The following EPSTI1 variants were observed in gnomAD, a reference collection of about 807,000 sequenced individuals.
EPSTI1 encodes the protein epithelial-stromal interaction protein 1.
Under a neutral mutation model 49.9 loss-of-function variants are expected in EPSTI1, and 66 were observed. The observed-to-expected ratio is 1.32, with a 90% CI of 1.08 to 1.62. The LOEUF (loss-of-function observed/expected upper bound fraction) is 1.62, where lower values mean the gene tolerates loss of function less well. Ranked by LOEUF, EPSTI1 falls within the 40% of genes most tolerant of loss-of-function variation. The pLI is 0.00. For missense variants in EPSTI1, 394 were observed against 365.5 expected, an observed-to-expected ratio of 1.08 and a Z score of -0.64; for synonymous variants, 137 against 130.7, an observed-to-expected ratio of 1.05 and a Z score of -0.33.
Position 42,886,612 on chromosome 13 carries a change from C to T in EPSTI1, c.*1882G>A, listed in dbSNP as rs1315238977. 2 of 152,016 alleles carry T rather than the reference C, an allele frequency of 1.3e-5. No individual in the cohort carries two copies. Among genetic ancestry groups the T allele is most frequent in the African/African-American group, 2.4e-5 (1 of 41,388 alleles). The allele number at this position is 152,016 out of a possible 1,614,324, so 9.4% of individuals were successfully genotyped here. ...TCAGGTTTTATTCCAATTGATTCAA[C>T]GTGGCAGATTAAATGTGAAAAGTAA... On this transcript the variant is annotated 3_prime_UTR_variant, in exon 11 of 11. Coordinates refer to ENST00000313624, the MANE Select transcript of EPSTI1 (RefSeq NM_033255.5).
intron 6 of EPSTI1, among the ~76,000 whole-genome samples, chr13:42,935,585 C>CT (rs1347243550): frequency 6.6e-6 from 1 of 151,868 alleles, no homozygotes. Flanking sequence ...CTCATAAATT[C>CT]TTTTTTTTAT....
At position 42,974,602 on chromosome 13, in the gene EPSTI1, TGAGCC is replaced by T. The variant is rs2039842994; in HGVS notation, c.189-3937_189-3933del. On this transcript the variant is annotated intron_variant, in intron 1 of 10. Transcript: ENST00000313624. ...TGAACCAGGGAGGCGGAGCTTGCAG[TGAGCC>T]GAGATTGCGCCACTGCACTCCCGCC... Among the ~76,000 whole-genome samples the T allele has an allele frequency of 6.0e-5, 9 of 148,912 alleles. No homozygotes were observed. In the Admixed American group the frequency reaches 6.1e-4, roughly 10 times the overall value.
intron 2 of EPSTI1, chr13:42,969,476 A>G (rs2039712418): frequency 1.2e-5 from 4 of 331,696 alleles, no homozygotes; most frequent in East Asian, 6.2e-5. Flanking sequence ...TTAAAACTCT[A>G]TATCAAGTTA....
At position 42,964,116 on chromosome 13, in the gene EPSTI1, C is replaced by T. The variant is rs779525484; in HGVS notation, c.355G>A (p.Val119Ile). Residue 119 changes from valine (V) to isoleucine (I), a missense_variant, in exon 4 of 11, where the codon GTC becomes ATC. Val to Ile is a conservative substitution (Grantham distance 29). Transcript: ENST00000313624. ...RLGGSQSETE[V>I]RQKQQLQLMQ... ...AGCTGGAGTTGTTGTTTCTGTCTGA[C>T]TTCAGTTTCTGACTGGCTTCCACCT... The T allele has an allele frequency of 6.2e-7, 1 of 1,613,412 alleles. No individual in the cohort carries two copies. Among genetic ancestry groups the T allele is most frequent in the South Asian group, 1.1e-5 (1 of 91,006 alleles).
intron 9 of EPSTI1, among the ~76,000 whole-genome samples, chr13:42,899,197 C>CAA (rs34907903): frequency 1.1e-3 from 138 of 122,206 alleles, no homozygotes; most frequent in Middle Eastern, 4.8e-3. Context: ...GACTCTGTCT[C>CAA]AAAAAAAAAA....
rs776906452 is a variant in EPSTI1 at position 42,888,451 on chromosome 13, T to G, written c.*43A>C. ...TAAGAAAAAGCATCTCATGAGGCTTTTCGAGGTCAGTTGATGAAGGCCAGA... is the reference window on the plus strand; with the variant it reads ...TAAGAAAAAGCATCTCATGAGGCTTGTCGAGGTCAGTTGATGAAGGCCAGA... On this transcript the variant is annotated 3_prime_UTR_variant, in exon 11 of 11. Transcript: ENST00000313624. 13 of 1,613,894 alleles carry G rather than the reference T, an allele frequency of 8.1e-6. No individual in the cohort carries two copies. The highest frequency in any genetic ancestry group is 1.1e-5 in the Non-Finnish European group (13 of 1,179,960).
At chr13:42,966,777 G>A (rs2039633112) in intron 3 of EPSTI1, among the ~76,000 whole-genome samples, 1 of 89,670 alleles carries the variant, frequency 1.1e-5, no homozygotes, top group Non-Finnish European at 2.5e-5. Context: ...TCTGGGAGGT[G>A]TGCCCAACAG....
At chr13:42,990,794 C>T (rs2040180317) in intron 1 of EPSTI1, among the ~76,000 whole-genome samples, 1 of 152,122 alleles carries the variant, frequency 6.6e-6, no homozygotes, top group African/African-American at 2.4e-5. Context: ...TGTTTCTTAG[C>T]AACCAGGGTT....
At chr13:42,891,697 TG>T (rs1416092396) in intron 10 of EPSTI1, among the ~76,000 whole-genome samples, 2 of 152,216 alleles carry the variant, frequency 1.3e-5, no homozygotes, top group Non-Finnish European at 2.9e-5. Flanking sequence ...GTCTTTCTAT[TG>T]TGTTTGTGAT....
Position 42,917,639 on chromosome 13 carries a change from A to ATT in EPSTI1, c.658-16_658-15insAA. 17 of 1,133,156 alleles carry ATT rather than the reference A, an allele frequency of 1.5e-5. No individual in the cohort carries two copies. Among genetic ancestry groups the ATT allele is most frequent in the East Asian group, 2.7e-5 (1 of 37,268 alleles). 70.2% of individuals were successfully genotyped at this position (1,133,156 alleles called of 1,614,324 possible). Reference sequence around the variant, plus strand: ...CAGCTTCTGGCCTGTAAAGGTACAAAGAGAAAAAAAAAAAAAAAAACAACT... The same window carrying ATT: ...CAGCTTCTGGCCTGTAAAGGTACAAATTGAGAAAAAAAAAAAAAAAAACAACT... On this transcript the variant is annotated splice_polypyrimidine_tract_variant and intron_variant, in intron 7 of 10. Transcript: ENST00000313624.
At position 42,888,365 on chromosome 13, in the gene EPSTI1, C is replaced by G. The variant is rs763326690; in HGVS notation, c.*129G>C. On this transcript the variant is annotated 3_prime_UTR_variant, in exon 11 of 11. Transcript: ENST00000313624. ...GAGAAGCCAGTCACTCCTGACTGCA[C>G]GGTCAAGTGTGTGGGCAGTTGAAAT... The G allele has an allele frequency of 6.2e-7, 1 of 1,613,960 alleles. No homozygotes were observed. The highest frequency in any genetic ancestry group is 1.3e-5 in the African/African-American group (1 of 74,882).
intron 1 of EPSTI1, among the ~76,000 whole-genome samples, chr13:42,978,105 A>C (rs2039915271): frequency 6.6e-6 from 1 of 151,984 alleles, no homozygotes; most frequent in Non-Finnish European, 1.5e-5. Flanking sequence ...GTGAGCCAAG[A>C]TCACGCCACT....
intron 3 of EPSTI1, among the ~76,000 whole-genome samples, chr13:42,964,627 C>T (rs1472649336): frequency 6.6e-6 from 1 of 152,192 alleles, no homozygotes; most frequent in Non-Finnish European, 1.5e-5. Flanking sequence ...TGCCACTAGA[C>T]AAGCATGTAG....
chr13:42,897,099 C>CAAAA (rs200789783), intron 9 of EPSTI1, among the ~76,000 whole-genome samples: 1 of 122,018 alleles, frequency 8.2e-6, no homozygotes, highest in Non-Finnish European at 1.8e-5. Flanking sequence ...AACTCTGTCT[C>CAAAA]AAAAAAAAAA....
At chr13:42,988,203 T>C (rs1041930296) in intron 1 of EPSTI1, among the ~76,000 whole-genome samples, 6 of 152,320 alleles carry the variant, frequency 3.9e-5, no homozygotes, top group African/African-American at 1.4e-4. Context: ...GTCTTTGTCT[T>C]ATATTTATCT....
intron 6 of EPSTI1, among the ~76,000 whole-genome samples, chr13:42,952,620 TAGA>T (rs1156485572): frequency 2.0e-5 from 3 of 152,148 alleles, no homozygotes; most frequent in Admixed American, 2.0e-4. Flanking sequence ...ATGCCTTCTT[TAGA>T]AGAAGAGTTG....
chr13:42,962,874 G>A (rs1234672498), intron 5 of EPSTI1, among the ~76,000 whole-genome samples: 3 of 152,146 alleles, frequency 2.0e-5, no homozygotes, highest in Non-Finnish European at 2.9e-5. Context: ...TGACCCACAC[G>A]CCAGCCAATG....
intron 3 of EPSTI1, among the ~76,000 whole-genome samples, chr13:42,966,713 G>A (rs1217767029): frequency 7.0e-5 from 6 of 86,034 alleles, no homozygotes; most frequent in South Asian, 5.7e-4. Flanking sequence ...CCCCCCGCCC[G>A]GCCAGCCGCC....
At position 42,911,271 on chromosome 13, in the gene EPSTI1, GCA is replaced by G. The variant is rs765452470; in HGVS notation, c.741+6268_741+6269del. Among the ~76,000 whole-genome samples, 285 of 138,224 alleles carry G rather than the reference GCA, an allele frequency of 2.1e-3. 1 individual carries two copies. The highest frequency in any genetic ancestry group is 3.0e-3 in the Non-Finnish European group (192 of 62,962). 90.7% of individuals were successfully genotyped at this position (138,224 alleles called of 152,430 possible). On this transcript the variant is annotated intron_variant, in intron 8 of 10. Transcript: ENST00000313624. ...TGTGTGTGTGTGTGTGTGTGCGCGC[GCA>G]CGCGCGCACACGTGTGTGAGTGTGC...
Sources: allele counts gnomAD v4.1 joint callset (sites outside exome capture counted in the v4.1 genomes callset), GRCh38; gene constraint gnomAD v4.1.1; transcripts MANE v1.5; gene names NCBI Gene and HGNC (gene_info 2026-07-23, HGNC 2026-07-21).